Variants in OPHN1 observed in about 807,000 individuals in gnomAD.
OPHN1 encodes oligophrenin 1.
OPHN1 carries 11 observed loss-of-function variants against 60.7 expected under a neutral mutation model. That is an observed-to-expected ratio of 0.18 (90% CI 0.11 to 0.30). The LOEUF is 0.30. Among genes scored for constraint, OPHN1 ranks in the 10% least tolerant of loss-of-function variants. OPHN1 has a pLI of 1.00. For synonymous variants in OPHN1, 226 were observed against 222.6 expected (o/e 1.02, Z -0.14); for missense variants, 449 against 611.0 (o/e 0.73, Z 2.80).
intron 2 of OPHN1, among the ~76,000 whole-genome samples, chrX:68,408,470 C>A (rs1209428196): frequency 8.9e-6 from 1 of 111,958 alleles, no homozygotes; most frequent in Non-Finnish European, 1.9e-5. Context: ...AACATTCTCT[C>A]CCACGGAATA....
intron 2 of OPHN1, among the ~76,000 whole-genome samples, chrX:68,400,973 G>A (rs2078711441): frequency 9.0e-6 from 1 of 111,217 alleles, no homozygotes; most frequent in African/African-American, 3.3e-5. Context: ...GGCAAGAAGA[G>A]GTGGGGAAGT....
intron 2 of OPHN1, among the ~76,000 whole-genome samples, chrX:68,398,549 C>T (rs998549414): frequency 3.6e-5 from 4 of 111,667 alleles, no homozygotes; most frequent in Admixed American, 9.6e-5. Flanking sequence ...TGCTCTGGTC[C>T]GCCTGTCTTG....
chrX:68,080,961 C>T (rs1013361413), intron 19 of OPHN1, among the ~76,000 whole-genome samples: 1 of 111,504 alleles, frequency 9.0e-6, no homozygotes, highest in Non-Finnish European at 1.9e-5. Context: ...GCTCCCACAG[C>T]ATCCAATGCA....
Position 68,048,607 on chromosome X carries a change from G to T in OPHN1, c.2376-150C>A, listed in dbSNP as rs191374634. On this transcript the variant is annotated intron_variant, in intron 23 of 24. Coordinates refer to ENST00000355520, the MANE Select transcript of OPHN1 (RefSeq NM_002547.3). ...CAGCCCAGATGTTTCAAAACATTTA[G>T]CTCCATGCTTATAGTTGGGGCTCCT... 19 of 501,933 alleles carry T rather than the reference G, an allele frequency of 3.8e-5. No individual in the cohort carries two copies. The Admixed American group carries it at 5.7e-4, about 15-fold the overall frequency. 41.4% of individuals were successfully genotyped at this position (501,933 alleles called of 1,213,427 possible).
chrX:68,414,158 C>T (rs2078782742), intron 2 of OPHN1, among the ~76,000 whole-genome samples: 1 of 111,951 alleles, frequency 8.9e-6, no homozygotes, highest in African/African-American at 3.2e-5. Context: ...AGATTGTTCC[C>T]TTTCTCAGTG....
At chrX:68,223,419 A>G (rs1367184116) in intron 6 of OPHN1, among the ~76,000 whole-genome samples, 2 of 112,435 alleles carry the variant, frequency 1.8e-5, no homozygotes, top group Non-Finnish European at 3.8e-5. Flanking sequence ...CAGAAACTGG[A>G]ACTGGAGGCC....
At chrX:68,352,924 G>A (rs1363467688) in intron 2 of OPHN1, among the ~76,000 whole-genome samples, 8 of 111,293 alleles carry the variant, frequency 7.2e-5, no homozygotes, top group African/African-American at 1.3e-4. Context: ...AGGCTGAGGC[G>A]AGTGGATTGC....
At chrX:68,244,313 C>T (rs1316778780) in intron 5 of OPHN1, among the ~76,000 whole-genome samples, 1 of 112,455 alleles carries the variant, frequency 8.9e-6, no homozygotes, top group East Asian at 2.8e-4. Flanking sequence ...CAACTCCACC[C>T]CCACAAGTAA....
chrX:68,350,505 T>TCCTTTCC (rs1423885348), intron 2 of OPHN1, among the ~76,000 whole-genome samples: 1 of 80,408 alleles, frequency 1.2e-5, no homozygotes, highest in African/African-American at 4.8e-5. Context: ...CCTCCTTTCC[T>TCCTTTCC]TCCTTCCTCC....
At chrX:68,285,512 T>A (rs1267178369) in intron 3 of OPHN1, among the ~76,000 whole-genome samples, 1 of 111,575 alleles carries the variant, frequency 9.0e-6, no homozygotes, top group East Asian at 2.8e-4. Context: ...TGGTTAGGCA[T>A]GTATCTCTAA....
chrX:68,191,309 C>G (rs750774666), intron 15 of OPHN1, among the ~76,000 whole-genome samples: 41 of 111,407 alleles, frequency 3.7e-4, no homozygotes, highest in African/African-American at 1.1e-3. Context: ...TCCATTTACC[C>G]GAGCATGCTA....
At chrX:68,315,756 C>A (rs1052323935) in intron 2 of OPHN1, among the ~76,000 whole-genome samples, 1 of 111,085 alleles carries the variant, frequency 9.0e-6, no homozygotes, top group Admixed American at 9.6e-5. Flanking sequence ...AGTTGCATTT[C>A]TATACACTAA....
intron 15 of OPHN1, chrX:68,132,739 CAAA>C (rs60182364): frequency 7.9e-4 from 72 of 91,092 alleles, no homozygotes; most frequent in East Asian, 2.7e-3. Context: ...TACTAAGTGT[CAAA>C]AAAAAAAAAA....
intron 15 of OPHN1, among the ~76,000 whole-genome samples, chrX:68,172,415 T>A (rs756435440): frequency 9.0e-6 from 1 of 111,654 alleles, no homozygotes; most frequent in South Asian, 3.7e-4. Context: ...AAGGCAAATT[T>A]GTGGAGATAG....
At chrX:68,142,249 C>T (rs1384158943) in intron 15 of OPHN1, among the ~76,000 whole-genome samples, 1 of 112,298 alleles carries the variant, frequency 8.9e-6, no homozygotes, top group Non-Finnish European at 1.9e-5. Context: ...TACGAGCATG[C>T]TCACATAGGT....
intron 15 of OPHN1, among the ~76,000 whole-genome samples, chrX:68,137,709 T>C (rs937148648): frequency 8.9e-6 from 1 of 111,853 alleles, no homozygotes; most frequent in Non-Finnish European, 1.9e-5. Context: ...ATTAGAAAAC[T>C]TTAAAAATCG....
At chrX:68,071,628 AT>A in intron 20 of OPHN1, 2 of 563,749 alleles carry the variant, frequency 3.5e-6, no homozygotes, top group Non-Finnish European at 3.3e-6. Flanking sequence ...GCAGAATTTG[AT>A]GCTTAAGACA....
chrX:68,265,196 C>T (rs145631818), intron 5 of OPHN1, among the ~76,000 whole-genome samples: 20 of 112,019 alleles, frequency 1.8e-4, no homozygotes, highest in East Asian at 1.7e-3. Context: ...TTTCCCAGCA[C>T]GCAGCTGGAG....
At chrX:68,249,929 A>G (rs1455834561) in intron 5 of OPHN1, among the ~76,000 whole-genome samples, 2 of 112,369 alleles carry the variant, frequency 1.8e-5, no homozygotes, top group Non-Finnish European at 3.8e-5. Context: ...AATAACGAGC[A>G]TAATGAATGA....
Sources: gnomAD v4.1 joint callset for allele counts (sites outside exome capture counted in the v4.1 genomes callset) on GRCh38, gnomAD v4.1.1 for gene constraint, MANE v1.5 for transcripts, NCBI Gene and HGNC (gene_info 2026-07-23, HGNC 2026-07-21) for gene names.